CCDC178: variants seen among roughly 807,000 people sequenced by gnomAD.
CCDC178 encodes coiled-coil domain-containing protein 178.
Under a neutral mutation model 117.4 loss-of-function variants are expected in CCDC178, and 126 were observed. The ratio of observed to expected loss-of-function variants is 1.07; its 90% confidence interval spans 0.93 to 1.24. CCDC178 has a LOEUF of 1.24. Among genes scored for constraint, CCDC178 ranks in the 50% most tolerant of loss-of-function variants. The pLI is 0.00. For synonymous variants in CCDC178, 283 were observed against 313.4 expected, an observed-to-expected ratio of 0.90 and a Z score of 1.02; for missense variants, 1,030 against 986.9, an observed-to-expected ratio of 1.04 and a Z score of -0.59.
intron 2 of CCDC178, among the ~76,000 whole-genome samples, chr18:33,427,346 AAAG>A (rs1464155338): frequency 6.6e-6 from 1 of 152,152 alleles, no homozygotes; most frequent in East Asian, 1.9e-4. Context: ...TTGCTTTCAC[AAAG>A]AATATCTTCT....
At chr18:33,050,277 T>C (rs1277965651) in intron 21 of CCDC178, among the ~76,000 whole-genome samples, 1 of 152,208 alleles carries the variant, frequency 6.6e-6, no homozygotes, top group African/African-American at 2.4e-5. Context: ...GAATTGTGTT[T>C]AATTTGGGAG....
At chr18:33,004,873 T>A (rs2055716399) in intron 21 of CCDC178, among the ~76,000 whole-genome samples, 1 of 152,060 alleles carries the variant, frequency 6.6e-6, no homozygotes, top group South Asian at 2.1e-4. Context: ...GTGCTCAACA[T>A]CACTGATCAT....
intron 14 of CCDC178, among the ~76,000 whole-genome samples, chr18:33,263,008 C>A (rs745421081): frequency 4.6e-5 from 7 of 152,242 alleles, no homozygotes; most frequent in South Asian, 2.1e-4. Flanking sequence ...CTTGGAAACA[C>A]ACAAGAATTA....
At chr18:33,294,146 T>C (rs1430649161) in intron 11 of CCDC178, among the ~76,000 whole-genome samples, 1 of 152,190 alleles carries the variant, frequency 6.6e-6, no homozygotes, top group Non-Finnish European at 1.5e-5. Flanking sequence ...AGAGGACCAA[T>C]GCTAATCTGT....
intron 18 of CCDC178, among the ~76,000 whole-genome samples, chr18:33,219,062 T>A (rs771838446): frequency 5.9e-5 from 9 of 152,164 alleles, no homozygotes; most frequent in Non-Finnish European, 1.2e-4. Context: ...GTTTTCACAA[T>A]ACTGATTATT....
intron 20 of CCDC178, among the ~76,000 whole-genome samples, chr18:33,122,508 T>G (rs986604349): frequency 6.6e-6 from 1 of 152,052 alleles, no homozygotes; most frequent in African/African-American, 2.4e-5. Flanking sequence ...ATAATCTATA[T>G]AAAGGCAAGA....
intron 20 of CCDC178, among the ~76,000 whole-genome samples, chr18:33,206,441 T>TG (rs2144572672): frequency 6.6e-6 from 1 of 151,172 alleles, no homozygotes; most frequent in African/African-American, 2.4e-5. Context: ...TCAGAGTATG[T>TG]GGAAAAACAA....
chr18:33,311,432 C>CA (rs2062340743), intron 11 of CCDC178, among the ~76,000 whole-genome samples: 1 of 152,196 alleles, frequency 6.6e-6, no homozygotes, highest in Admixed American at 6.5e-5. Context: ...GCAAGCCTAC[C>CA]AATGGGCTAT....
intron 10 of CCDC178, among the ~76,000 whole-genome samples, chr18:33,326,637 CTTT>C (rs1368202277): frequency 6.6e-6 from 1 of 151,962 alleles, no homozygotes; most frequent in Non-Finnish European, 1.5e-5. Context: ...GGGGGCAACT[CTTT>C]ACTTCCCACT....
intron 21 of CCDC178, among the ~76,000 whole-genome samples, chr18:33,030,522 A>AAGATAGATAGAT (rs61043322): frequency 0.032 from 4,509 of 140,838 alleles, 85 homozygotes; most frequent in East Asian, 0.039. Context: ...GAACTGATAG[A>AAGATAGATAGAT]AGATAGATAG....
intron 20 of CCDC178, among the ~76,000 whole-genome samples, chr18:33,165,044 T>C (rs532617414): frequency 6.6e-6 from 1 of 152,350 alleles, no homozygotes; most frequent in African/African-American, 2.4e-5. Flanking sequence ...CATGCTTATC[T>C]TTTTAGAAAA....
intron 3 of CCDC178, among the ~76,000 whole-genome samples, chr18:33,402,736 G>T (rs2063725554): frequency 6.6e-6 from 1 of 152,142 alleles, no homozygotes; most frequent in South Asian, 2.1e-4. Flanking sequence ...CTTTGTTGTT[G>T]TTGTTACTGT....
chr18:33,279,968 C>T (rs889975086), intron 12 of CCDC178, among the ~76,000 whole-genome samples: 10 of 151,960 alleles, frequency 6.6e-5, no homozygotes, highest in African/African-American at 2.4e-4. Context: ...GGATTAAAGA[C>T]TTAAATATTA....
intron 21 of CCDC178, among the ~76,000 whole-genome samples, chr18:32,989,889 A>G: frequency 6.6e-6 from 1 of 152,182 alleles, no homozygotes; most frequent in East Asian, 1.9e-4. Flanking sequence ...TAGATAATAC[A>G]AGATAATTTA....
chr18:33,349,730 AT>A (rs2062945866), intron 7 of CCDC178, among the ~76,000 whole-genome samples: 1 of 151,868 alleles, frequency 6.6e-6, no homozygotes, highest in Admixed American at 6.6e-5. Context: ...TCATTACATT[AT>A]TTTTTATTAA....
intron 11 of CCDC178, among the ~76,000 whole-genome samples, chr18:33,310,728 T>A (rs971770928): frequency 6.6e-6 from 1 of 152,234 alleles, no homozygotes; most frequent in African/African-American, 2.4e-5. Flanking sequence ...TGGCCCCCTA[T>A]GTTAAAATAA....
intron 5 of CCDC178, among the ~76,000 whole-genome samples, chr18:33,378,281 G>A (rs2063391032): frequency 6.6e-6 from 1 of 152,126 alleles, no homozygotes; most frequent in Non-Finnish European, 1.5e-5. Context: ...GCTGAATTTT[G>A]TACATTAATT....
intron 20 of CCDC178, among the ~76,000 whole-genome samples, chr18:33,127,035 C>G (rs1199293255): frequency 6.8e-6 from 1 of 147,746 alleles, no homozygotes. Context: ...CACACACACA[C>G]ACACATGGAT....
chr18:33,325,345 T>TTA (rs2062570039), intron 10 of CCDC178, among the ~76,000 whole-genome samples: 1 of 152,048 alleles, frequency 6.6e-6, no homozygotes, highest in South Asian at 2.1e-4. Context: ...TGTTAAACCA[T>TTA]TGGCACAGTG....
Sources: allele counts gnomAD v4.1 joint callset (sites outside exome capture counted in the v4.1 genomes callset), GRCh38; gene constraint gnomAD v4.1.1; transcripts MANE v1.5; gene names NCBI Gene and HGNC (gene_info 2026-07-23, HGNC 2026-07-21).